The following DEPDC5 variants were observed in gnomAD, a reference collection of about 807,000 sequenced individuals.
The protein encoded by DEPDC5 is GATOR1 complex protein DEPDC5.
In DEPDC5, 73 loss-of-function variants were observed where a neutral mutation model predicts 217.3. The observed-to-expected ratio is 0.34, with a 90% confidence interval of 0.28 to 0.41. The LOEUF (loss-of-function observed/expected upper bound fraction) is 0.41, where lower values mean the gene tolerates loss of function less well. DEPDC5 is among the 10% of genes least tolerant of loss of function. The probability of loss-of-function intolerance (pLI) is 1.00; values close to 1 mark genes in which losing one functional copy is unlikely to be tolerated. For synonymous variants in DEPDC5, 733 were observed against 756.7 expected, an observed-to-expected ratio of 0.97 and a Z score of 0.51; for missense variants, 1,675 against 2,070.1, an observed-to-expected ratio of 0.81 and a Z score of 3.70.
Position 31,804,204 on chromosome 22 carries a change from A to C in DEPDC5, c.1124A>C (p.His375Pro). The change falls in exon 16 of 43, where the codon CAT (histidine) becomes CCT (proline). Residue 375 changes from histidine to proline, a missense_variant. His to Pro is a moderately conservative substitution (Grantham distance 77). This residue lies in a region of DEPDC5 where 628 missense variants were observed against 762.1 expected (regional missense o/e 0.82). Coordinates refer to ENST00000651528, the MANE Select transcript of DEPDC5 (RefSeq NM_001242896.3). The part of the protein sequence containing the change: ...DLVCMGEQPL[H>P]AVPLFKLHNR... ...GTGTGCATGGGAGAGCAACCGTTAC[A>C]TGCTGTCCCATTGTTCAAGGTAATT... 1 of 1,614,124 alleles carries C rather than the reference A, an allele frequency of 6.2e-7. No individual in the cohort carries two copies.
intron 21 of DEPDC5, chr22:31,815,567 T>G (rs1264603051): frequency 1.5e-5 from 9 of 609,746 alleles, no homozygotes; most frequent in Admixed American, 6.1e-5. Context: ...TTTTTTTTTG[T>G]AGAGGTGGGG....
rs987442009 is a variant in DEPDC5 at position 31,873,424 on chromosome 22, T to G, written c.3563+92T>G. ...CAGCGTGGTTTGGTAGATTTGTACA[T>G]GACTGTACTTCTCACCAGTTTTGAG... On this transcript the variant is annotated intron_variant, in intron 35 of 42. Transcript: ENST00000651528. The G allele has an allele frequency of 5.1e-6, 7 of 1,383,746 alleles. No individual in the cohort carries two copies. In the African/African-American group the frequency reaches 1.0e-4, roughly 20 times the overall value. The allele number at this position is 1,383,746 out of a possible 1,614,324, so 85.7% of individuals were successfully genotyped here.
At chr22:31,808,135 C>G (rs1351981204) in intron 18 of DEPDC5, among the ~76,000 whole-genome samples, 2 of 152,054 alleles carry the variant, frequency 1.3e-5, no homozygotes, top group African/African-American at 4.8e-5. Context: ...GAGTCTCGCT[C>G]TGTCATGCCC....
chr22:31,865,823 C>T (rs1165979147), intron 33 of DEPDC5, among the ~76,000 whole-genome samples: 1 of 152,208 alleles, frequency 6.6e-6, no homozygotes, highest in Non-Finnish European at 1.5e-5. Context: ...TGTGGGTCTG[C>T]AAGTTATTCC....
intron 15 of DEPDC5, among the ~76,000 whole-genome samples, chr22:31,803,634 G>A (rs1294918425): frequency 1.3e-5 from 2 of 151,982 alleles, no homozygotes; most frequent in Non-Finnish European, 2.9e-5. Context: ...CAACAAGATG[G>A]AGTTGGGACG....
intron 3 of DEPDC5, 91 bp downstream of exon 3, chr22:31,758,724 T>C (rs2082136429): frequency 7.9e-7 from 1 of 1,264,932 alleles, no homozygotes; most frequent in East Asian, 2.3e-5. Flanking sequence ...TTCAAAATGC[T>C]CATGCTGTGA....
At chr22:31,853,916 C>G (rs2092156060) in intron 31 of DEPDC5, among the ~76,000 whole-genome samples, 1 of 152,196 alleles carries the variant, frequency 6.6e-6, no homozygotes, top group South Asian at 2.1e-4. Flanking sequence ...GAAAGCCTGC[C>G]AGCAATGAGC....
At chr22:31,827,839 A>G (rs189094634) in intron 24 of DEPDC5, among the ~76,000 whole-genome samples, 1 of 152,214 alleles carries the variant, frequency 6.6e-6, no homozygotes, top group Non-Finnish European at 1.5e-5. Flanking sequence ...AGATGTCTGC[A>G]TTTGCCCAAG....
At chr22:31,756,432 C>G (rs955520454) in intron 2 of DEPDC5, among the ~76,000 whole-genome samples, 3 of 152,156 alleles carry the variant, frequency 2.0e-5, no homozygotes, top group African/African-American at 7.2e-5. Context: ...TGCTAAAATG[C>G]ACAGTCTATT....
rs563884882 is a variant in DEPDC5 at position 31,892,418 on chromosome 22, T to C, written c.4034-1164T>C. ...TGTACATCTGGCCGGGCATGGTGGC[T>C]CAAGCCTGTAATCCCAGCACTTTGA... On this transcript the variant is annotated intron_variant, in intron 38 of 42. Transcript: ENST00000651528. Among the ~76,000 whole-genome samples the C allele has an allele frequency of 2.6e-5, 4 of 152,342 alleles. No homozygotes were observed. In the East Asian group the frequency reaches 7.7e-4, roughly 29 times the overall value.
intron 10 of DEPDC5, among the ~76,000 whole-genome samples, chr22:31,790,726 CCTAT>C (rs370555270): frequency 2.6e-5 from 4 of 151,798 alleles, no homozygotes; most frequent in East Asian, 1.9e-4. Flanking sequence ...ATGATGAAAC[CCTAT>C]CTCTCTTTTT....
intron 38 of DEPDC5, among the ~76,000 whole-genome samples, chr22:31,884,696 A>G (rs1282369860): frequency 6.6e-6 from 1 of 152,134 alleles, no homozygotes; most frequent in Non-Finnish European, 1.5e-5. Flanking sequence ...AGATCTGGTC[A>G]CTGCCAAATT....
intron 21 of DEPDC5, chr22:31,815,772 C>T: frequency 8.2e-7 from 1 of 1,214,700 alleles, no homozygotes; most frequent in South Asian, 2.8e-5. Flanking sequence ...CTCGAGGGAT[C>T]CACCCATTGG....
intron 8 of DEPDC5, among the ~76,000 whole-genome samples, chr22:31,779,301 G>T (rs538146048): frequency 6.6e-6 from 1 of 152,256 alleles, no homozygotes; most frequent in African/African-American, 2.4e-5. Flanking sequence ...ATGTTTGTGC[G>T]TGTGTGTATA....
chr22:31,838,286 T>C (rs1418773896), intron 26 of DEPDC5, among the ~76,000 whole-genome samples: 1 of 152,188 alleles, frequency 6.6e-6, no homozygotes, highest in African/African-American at 2.4e-5. Context: ...TCATATTTTC[T>C]ATTATATTTT....
intron 24 of DEPDC5, among the ~76,000 whole-genome samples, chr22:31,828,965 AATGAGG>A (rs1394281578): frequency 6.6e-6 from 1 of 152,184 alleles, no homozygotes; most frequent in African/African-American, 2.4e-5. Context: ...ATCTCTGCTA[AATGAGG>A]ATGTGCTAGA....
chr22:31,873,960 T>C, intron 35 of DEPDC5: 1 of 282,862 alleles, frequency 3.5e-6, no homozygotes, highest in South Asian at 3.2e-5. Flanking sequence ...GCCCAGCTGA[T>C]TTTTGTATTT....
At chr22:31,874,946 G>T (rs560867151) in intron 36 of DEPDC5, among the ~76,000 whole-genome samples, 31 of 152,290 alleles carry the variant, frequency 2.0e-4, no homozygotes, top group African/African-American at 7.5e-4. Context: ...TTGGCACCTG[G>T]TAGGCACTTA....
At chr22:31,880,621 C>T (rs2093147428) in intron 38 of DEPDC5, among the ~76,000 whole-genome samples, 1 of 152,236 alleles carries the variant, frequency 6.6e-6, no homozygotes, top group Non-Finnish European at 1.5e-5. Flanking sequence ...AGATCCAGGC[C>T]GGGCACGGTG....
Sources: gnomAD v4.1 joint callset for allele counts (sites outside exome capture counted in the v4.1 genomes callset) on GRCh38, gnomAD v4.1.1 for gene constraint, gnomAD v4.1.1 regional missense constraint, MANE v1.5 for transcripts, NCBI Gene and HGNC (gene_info 2026-07-23, HGNC 2026-07-21) for gene names.